The following RFFL variants were observed in gnomAD, a reference collection of about 807,000 sequenced individuals.
The protein encoded by RFFL is E3 ubiquitin-protein ligase rififylin.
RFFL carries 16 observed loss-of-function variants against 40.4 expected under a neutral mutation model. The ratio of observed to expected loss-of-function variants is 0.40; its 90% confidence interval spans 0.27 to 0.60. The LOEUF is 0.60. Ranked by LOEUF, RFFL falls within the 20% of genes least tolerant of loss-of-function variation. The pLI, the probability that RFFL is intolerant of heterozygous loss-of-function variation, is 0.47. For synonymous variants in RFFL, 154 were observed against 167.9 expected, an observed-to-expected ratio of 0.92 and a Z score of 0.64; for missense variants, 367 against 451.7, an observed-to-expected ratio of 0.81 and a Z score of 1.70.
At chr17:35,043,059 TC>T (rs1274061008) in intron 1 of RFFL, among the ~76,000 whole-genome samples, 5 of 152,152 alleles carry the variant, frequency 3.3e-5, no homozygotes, top group Non-Finnish European at 7.4e-5. Flanking sequence ...TCCAAGGCAG[TC>T]CTTTGGATAT....
At chr17:35,081,086 T>A (rs1283342623) in intron 1 of RFFL, among the ~76,000 whole-genome samples, 2 of 152,174 alleles carry the variant, frequency 1.3e-5, no homozygotes, top group Admixed American at 1.3e-4. Context: ...TTTTGCTGTA[T>A]CTTTTTAGAG....
At chr17:35,035,327 T>C (rs987773912) in intron 1 of RFFL, among the ~76,000 whole-genome samples, 2 of 151,484 alleles carry the variant, frequency 1.3e-5, no homozygotes, top group African/African-American at 4.9e-5. Flanking sequence ...GAGAATCACT[T>C]GAACCCAAGA....
intron 1 of RFFL, among the ~76,000 whole-genome samples, chr17:35,042,802 C>T (rs561957163): frequency 3.1e-5 from 4 of 127,304 alleles, no homozygotes; most frequent in South Asian, 2.4e-4. Flanking sequence ...TCCAGCCTGG[C>T]GACAGAATGA....
chr17:35,058,364 G>T (rs879163050), intron 1 of RFFL, among the ~76,000 whole-genome samples: 1 of 152,162 alleles, frequency 6.6e-6, no homozygotes, highest in Admixed American at 6.5e-5. Context: ...GCTCCCAGAT[G>T]ACTCTATATG....
At chr17:35,063,217 A>G (rs2091303359) in intron 1 of RFFL, among the ~76,000 whole-genome samples, 1 of 152,052 alleles carries the variant, frequency 6.6e-6, no homozygotes, top group Admixed American at 6.6e-5. Flanking sequence ...GCACTTTGGG[A>G]GGCTGAGGAG....
chr17:35,043,938 T>G (rs2091182075), intron 1 of RFFL, among the ~76,000 whole-genome samples: 1 of 152,196 alleles, frequency 6.6e-6, no homozygotes, highest in Non-Finnish European at 1.5e-5. Context: ...GCATTTCTAG[T>G]TTCTACAAGT....
chr17:35,012,990 C>T (rs2090950411), intron 6 of RFFL, among the ~76,000 whole-genome samples: 1 of 152,256 alleles, frequency 6.6e-6, no homozygotes, highest in African/African-American at 2.4e-5. Flanking sequence ...GAATGAACAT[C>T]TTCCCAAGGG....
At position 35,021,777 on chromosome 17, in the gene RFFL, G is replaced by A; in HGVS notation, c.185C>T (p.Thr62Ile). The A allele has an allele frequency of 6.2e-7, 1 of 1,614,152 alleles. No individual in the cohort carries two copies. The highest frequency in any genetic ancestry group is 1.6e-4 in the Middle Eastern group (1 of 6,062). ...AAAATTTTTCTTACAGTCCAAGCAG[G>A]TCTGCTGCTTAGAGCAAAAGACACA... is the stretch of plus-strand genomic sequence containing the variant. ...AHFANTARKQ[T>I]CLDCKKNFCM... Residue 62 changes from threonine to isoleucine, a missense_variant, in exon 3 of 7, where the codon ACC (threonine) becomes ATC (isoleucine). Thr to Ile is a moderately conservative substitution (Grantham distance 89, BLOSUM62 -1). Transcript: ENST00000394597.
At chr17:35,078,410 C>T (rs577404850) in intron 1 of RFFL, among the ~76,000 whole-genome samples, 1 of 152,284 alleles carries the variant, frequency 6.6e-6, no homozygotes, top group East Asian at 1.9e-4. Context: ...TCAAGCAATC[C>T]TCCCAACTCA....
At chr17:35,045,075 T>C (rs562241775) in intron 1 of RFFL, among the ~76,000 whole-genome samples, 2 of 150,998 alleles carry the variant, frequency 1.3e-5, no homozygotes, top group African/African-American at 2.4e-5. Flanking sequence ...CCATAATTGA[T>C]TTATCAGACT....
chr17:35,019,838 G>A (rs1188930277), intron 3 of RFFL, among the ~76,000 whole-genome samples: 1 of 152,160 alleles, frequency 6.6e-6, no homozygotes, highest in East Asian at 1.9e-4. Flanking sequence ...GTCCAGCTGC[G>A]GAGAAAAACA....
At position 35,007,055 on chromosome 17, in the gene RFFL, T is replaced by G. The variant is rs764590539; in HGVS notation, c.*4913A>C. 5 of 152,242 alleles carry G rather than the reference T, an allele frequency of 3.3e-5. No individual in the cohort carries two copies. Among genetic ancestry groups the G allele is most frequent in the African/African-American group, 1.2e-4 (5 of 41,440 alleles). 9.4% of individuals were successfully genotyped at this position (152,242 alleles called of 1,614,324 possible). On this transcript the variant is annotated 3_prime_UTR_variant, in exon 7 of 7. Coordinates refer to ENST00000394597, the MANE Select transcript of RFFL (RefSeq NM_001017368.2). ...CCTTTGAGTACTGACCTACATAGAT[T>G]TCCATTTCTCTCTTCAGCCTCAGGC... is the stretch of plus-strand genomic sequence containing the variant.
upstream of RFFL, among the ~76,000 whole-genome samples, chr17:35,064,047 G>A (rs542326440): frequency 1.3e-5 from 2 of 152,298 alleles, no homozygotes; most frequent in South Asian, 2.1e-4. Flanking sequence ...AACATAGCAG[G>A]TTCACAGCTC....
In RFFL at chr17:35,047,324, C is replaced by T. The variant is rs371209462; in HGVS notation, c.-9+16252G>A. Among the ~76,000 whole-genome samples the T allele has an allele frequency of 5.5e-3, 843 of 152,208 alleles. 6 individuals carry two copies. The highest frequency in any genetic ancestry group is 0.019 in the African/African-American group (784 of 41,516). On this transcript the variant is annotated intron_variant, in intron 1 of 6. Transcript: ENST00000394597. ...ATTTACCTTTCCAAAGTGGACTGCA[C>T]GAAAATTACTGCAGCCAAATGTACC...
At position 35,011,020 on chromosome 17, in the gene RFFL, A is replaced by G. The variant is rs2090934609; in HGVS notation, c.*948T>C. The G allele has an allele frequency of 6.6e-6, 1 of 152,238 alleles. No homozygotes were observed. The highest frequency in any genetic ancestry group is 1.5e-5 in the Non-Finnish European group (1 of 68,044). 9.4% of individuals were successfully genotyped at this position (152,238 alleles called of 1,614,324 possible). A position where few individuals can be genotyped will look rare whatever the true frequency, so the allele number is the denominator to read the frequency against. On this transcript the variant is annotated 3_prime_UTR_variant, in exon 7 of 7. Coordinates refer to ENST00000394597, the MANE Select transcript of RFFL (RefSeq NM_001017368.2). ...CTATTTCTTCAATGAAACCAAATTT[A>G]AAACTACCATGGATAAGGGAGGGAT...
At chr17:35,037,520 C>T (rs2142340616) in intron 1 of RFFL, among the ~76,000 whole-genome samples, 1 of 152,310 alleles carries the variant, frequency 6.6e-6, no homozygotes, top group East Asian at 1.9e-4. Flanking sequence ...AAGAAAGTAG[C>T]CACTCTCTGC....
At chr17:35,087,739 C>A (rs797989) in intron 1 of RFFL, among the ~76,000 whole-genome samples, 56,189 of 152,090 alleles carry the variant, frequency 0.37, 11,952 homozygotes, top group Non-Finnish European at 0.47. Context: ...CTTAAGAATA[C>A]CTCTAAATAA....
intron 3 of RFFL, among the ~76,000 whole-genome samples, chr17:35,019,665 C>T (rs573310347): frequency 3.9e-5 from 6 of 152,158 alleles, no homozygotes; most frequent in Admixed American, 1.3e-4. Flanking sequence ...TGAACCACCA[C>T]GCCCAGCCAA....
chr17:35,031,260 C>T (rs2091081318), intron 1 of RFFL, among the ~76,000 whole-genome samples: 1 of 151,986 alleles, frequency 6.6e-6, no homozygotes, highest in African/African-American at 2.4e-5. Flanking sequence ...GCGCCTGCTA[C>T]CATGCCTGGC....
Sources: gnomAD v4.1 joint callset for allele counts (sites outside exome capture counted in the v4.1 genomes callset) on GRCh38, gnomAD v4.1.1 for gene constraint, MANE v1.5 for transcripts, NCBI Gene and HGNC (gene_info 2026-07-23, HGNC 2026-07-21) for gene names.